PHACTR2: variants seen among roughly 807,000 people sequenced by gnomAD.
PHACTR2 encodes phosphatase and actin regulator 2.
Under a neutral mutation model 76.0 loss-of-function variants are expected in PHACTR2, and 30 were observed. The observed-to-expected ratio is 0.39, with a 90% confidence interval of 0.30 to 0.54. The LOEUF (loss-of-function observed/expected upper bound fraction) is 0.54. Among genes scored for constraint, PHACTR2 ranks in the 20% least tolerant of loss-of-function variants. PHACTR2 has a pLI of 0.61. For synonymous variants in PHACTR2, 292 were observed against 292.5 expected (o/e 1.00, Z 0.02); for missense variants, 696 against 781.1 (o/e 0.89, Z 1.30).
chr6:143,587,348 C>T (rs1775641520), intron 1 of PHACTR2, among the ~76,000 whole-genome samples: 1 of 152,198 alleles, frequency 6.6e-6, no homozygotes, highest in South Asian at 2.1e-4. Flanking sequence ...TTGACATTTT[C>T]AGCGATCAAG....
chr6:143,790,252 C>T (rs867201472), intron 11 of PHACTR2, among the ~76,000 whole-genome samples: 31 of 152,106 alleles, frequency 2.0e-4, no homozygotes, highest in South Asian at 1.0e-3. Context: ...GATACAGTAT[C>T]AAGGGAGTGA....
At position 143,765,857 on chromosome 6, in the gene PHACTR2, T is replaced by C; in HGVS notation, c.1232+59T>C. The C allele has an allele frequency of 1.4e-6, 2 of 1,402,922 alleles. No homozygotes were observed. The highest frequency in any genetic ancestry group is 2.0e-6 in the Non-Finnish European group (2 of 1,020,624). 86.9% of individuals were successfully genotyped at this position (1,402,922 alleles called of 1,614,324 possible). A position where few individuals can be genotyped will look rare whatever the true frequency, so the allele number is the denominator to read the frequency against. ...AGAACTAAAGATCACTAATATATTC[T>C]GTTGGAAATGAAGCACCGGGTTTGC... On this transcript the variant is annotated intron_variant, in intron 6 of 12. Transcript: ENST00000440869. The surrounding 1 kb of genome is among the most constrained non-coding windows in gnomAD (Gnocchi z 4.1).
chr6:143,580,598 G>A lies in PHACTR2; in HGVS notation c.217+43391G>A, dbSNP rs989485055. ...TGAGGCAGGAGAATTGCTTGAACCC[G>A]GGAGGCAGAGGTTGCAGTGAACTGA... On this transcript the variant is annotated intron_variant, in intron 1 of 11. Transcript: ENST00000367584. This position sits in a 1 kb window ranked among gnomAD's most constrained non-coding sequence, Gnocchi z 4.2. Among the ~76,000 whole-genome samples the A allele has an allele frequency of 1.3e-5, 2 of 151,850 alleles. No homozygotes were observed.
chr6:143,802,712 G>C (rs1047479780), intron 11 of PHACTR2, among the ~76,000 whole-genome samples: 3 of 149,498 alleles, frequency 2.0e-5, no homozygotes, highest in Non-Finnish European at 4.4e-5. Context: ...CTAAAACCTG[G>C]TCTCCTTTGC....
In PHACTR2 at chr6:143,616,653, C is replaced by A. The variant is rs541099878; in HGVS notation, c.13+8331C>A. Among the ~76,000 whole-genome samples, 7 of 152,266 alleles carry A rather than the reference C, an allele frequency of 4.6e-5. No homozygotes were observed. The South Asian group carries it at 1.2e-3, about 27-fold the overall frequency. On this transcript the variant is annotated intron_variant, in intron 1 of 11. Transcript: ENST00000305766. The surrounding 1 kb of genome is among the most constrained non-coding windows in gnomAD (Gnocchi z 4.9). ...GGAGCTTCTGTCAGCATGCTCCTTC[C>A]TTCTAGTAGAGAAAGCAAAATTAGT...
intron 1 of PHACTR2, among the ~76,000 whole-genome samples, chr6:143,626,491 T>G (rs895758465): frequency 7.0e-6 from 1 of 142,886 alleles, no homozygotes; most frequent in Non-Finnish European, 1.5e-5. Flanking sequence ...GAGCCGAGAT[T>G]GCGCCACTGC....
rs1344632982 is a variant in PHACTR2, at chr6:143,695,411, T to A, written c.47-16605T>A. Among the ~76,000 whole-genome samples the A allele has an allele frequency of 6.6e-6, 1 of 152,228 alleles. No homozygotes were observed. The highest frequency in any genetic ancestry group is 1.9e-4 in the East Asian group (1 of 5,200). On this transcript the variant is annotated intron_variant, in intron 1 of 12. Transcript: ENST00000440869. This position sits in a 1 kb window ranked among gnomAD's most constrained non-coding sequence, Gnocchi z 4.4. ...TTCTTCCAAGTTGAGAACAGAACACTTGGATCCAAGACCCTATTTCAGATT... is the reference window on the plus strand; with the variant it reads ...TTCTTCCAAGTTGAGAACAGAACACATGGATCCAAGACCCTATTTCAGATT...
chr6:143,748,797 T>C (rs1779123266), intron 2 of PHACTR2, 188 bp from the exon 3 acceptor site: 1 of 447,292 alleles, frequency 2.2e-6, no homozygotes, highest in African/African-American at 2.0e-5. Flanking sequence ...GATCATGGGC[T>C]GCAGCCATTT....
intron 1 of PHACTR2, among the ~76,000 whole-genome samples, chr6:143,613,930 A>C (rs1776020804): frequency 6.6e-6 from 1 of 152,224 alleles, no homozygotes; most frequent in Non-Finnish European, 1.5e-5. Flanking sequence ...GCATGTTAAG[A>C]AACATGCTGA....
In PHACTR2 at chr6:143,592,584, G is replaced by C. The variant is rs1325405638; in HGVS notation, c.217+55377G>C. Among the ~76,000 whole-genome samples the C allele has an allele frequency of 2.0e-5, 3 of 152,092 alleles. No individual in the cohort carries two copies. Among genetic ancestry groups the C allele is most frequent in the African/African-American group, 7.2e-5 (3 of 41,420 alleles). On this transcript the variant is annotated intron_variant, in intron 1 of 11. Transcript: ENST00000367584. The surrounding 1 kb of genome is among the most constrained non-coding windows in gnomAD (Gnocchi z 4.0). ...TCACTCATCCTCTTTCCGGTCGTTT[G>C]TTTATGCTCTTTCCATTAACCTAGT...
At chr6:143,551,012 G>A (rs148936271) in intron 1 of PHACTR2, among the ~76,000 whole-genome samples, 1 of 152,034 alleles carries the variant, frequency 6.6e-6, no homozygotes, top group African/African-American at 2.4e-5. Context: ...ACTCCAGCCT[G>A]GGTGACAAAG....
At chr6:143,714,643 T>C (rs1483226330) in intron 2 of PHACTR2, among the ~76,000 whole-genome samples, 2 of 152,188 alleles carry the variant, frequency 1.3e-5, no homozygotes, top group South Asian at 2.1e-4. Flanking sequence ...TCAACTCTGA[T>C]TTAGGCTGTT....
In PHACTR2 at chr6:143,696,445, A is replaced by G. The variant is rs1408671142; in HGVS notation, c.47-15571A>G. ...ACTCTCCATTTTTATTCCCCACAAA[A>G]CCTCTTATCAGCCTTTTTCCACTTG... On this transcript the variant is annotated intron_variant, in intron 1 of 12. Transcript: ENST00000440869. This position sits in a 1 kb window ranked among gnomAD's most constrained non-coding sequence, Gnocchi z 4.1. Among the ~76,000 whole-genome samples, 1 of 150,050 alleles carries G rather than the reference A, an allele frequency of 6.7e-6. No homozygotes were observed.
At chr6:143,603,238 A>G (rs1335508016), upstream of PHACTR2, among the ~76,000 whole-genome samples, 1 of 152,060 alleles carries the variant, frequency 6.6e-6, no homozygotes, top group Non-Finnish European at 1.5e-5. Context: ...GCTGTTAAAA[A>G]ATTATTCGAT....
rs1487316803 is a variant in PHACTR2 at position 143,710,988 on chromosome 6, AG to A, written c.47-1027del. Reference sequence around the variant, plus strand: ...AGTACACTTCACCTCTAAACACTTCAGCATACATGTCATTAATTAGACTTCA... The same window carrying A: ...AGTACACTTCACCTCTAAACACTTCACATACATGTCATTAATTAGACTTCA... On this transcript the variant is annotated intron_variant, in intron 1 of 12. Coordinates refer to ENST00000440869, the MANE Select transcript of PHACTR2 (RefSeq NM_001100164.2). The surrounding 1 kb of genome is among the most constrained non-coding windows in gnomAD (Gnocchi z 4.9). 1 of 511,966 alleles carries A rather than the reference AG, an allele frequency of 2.0e-6. No individual in the cohort carries two copies. The highest frequency in any genetic ancestry group is 1.9e-5 in the African/African-American group (1 of 51,900). 31.7% of individuals were successfully genotyped at this position (511,966 alleles called of 1,614,324 possible). A position where few individuals can be genotyped will look rare whatever the true frequency, so the allele number is the denominator to read the frequency against.
chr6:143,652,956 T>C lies in PHACTR2; in HGVS notation c.13+44634T>C, dbSNP rs1776789718. Among the ~76,000 whole-genome samples, 1 of 152,224 alleles carries C rather than the reference T, an allele frequency of 6.6e-6. No homozygotes were observed. The highest frequency in any genetic ancestry group is 2.4e-5 in the African/African-American group (1 of 41,452). On this transcript the variant is annotated intron_variant, in intron 1 of 11. Transcript: ENST00000305766. The surrounding 1 kb of genome is among the most constrained non-coding windows in gnomAD (Gnocchi z 4.5). ...ACATTCACATTATTTCCAGCTGGAT[T>C]GAGGCTGGAAGCTCCCTGGCAAGCA... is the stretch of plus-strand genomic sequence containing the variant.
At chr6:143,615,410 A>G (rs1187700191) in intron 1 of PHACTR2, among the ~76,000 whole-genome samples, 1 of 152,178 alleles carries the variant, frequency 6.6e-6, no homozygotes, top group Admixed American at 6.5e-5. Flanking sequence ...ATTAAGTTGG[A>G]GCAATTTTTT....
chr6:143,813,974 C>T (rs1050161160), intron 12 of PHACTR2, among the ~76,000 whole-genome samples: 1 of 152,160 alleles, frequency 6.6e-6, no homozygotes, highest in African/African-American at 2.4e-5. Context: ...ATAACATAGT[C>T]AATCAACACA....
In PHACTR2 at chr6:143,810,942, G is replaced by A. The variant is rs560043840; in HGVS notation, c.1922+3809G>A. Among the ~76,000 whole-genome samples the A allele has an allele frequency of 2.6e-5, 4 of 151,942 alleles. 1 individual carries two copies. The highest frequency in any genetic ancestry group is 9.6e-5 in the African/African-American group (4 of 41,492). On this transcript the variant is annotated intron_variant, in intron 12 of 12. Coordinates refer to ENST00000440869, the MANE Select transcript of PHACTR2 (RefSeq NM_001100164.2). ...ATATCAGCCCTTTATTGCCTATGTT[G>A]CAATATTTTTTCCAATTTATTGTTA...
Sources: allele counts gnomAD v4.1 joint callset (sites outside exome capture counted in the v4.1 genomes callset), GRCh38; gene constraint gnomAD v4.1.1; non-coding constraint Gnocchi (gnomAD v3.1); transcripts MANE v1.5; gene names NCBI Gene and HGNC (gene_info 2026-07-23, HGNC 2026-07-21).